The following MAP2 variants were observed in gnomAD, a reference collection of about 807,000 sequenced individuals.
MAP2 encodes the protein microtubule associated protein 2.
MAP2 carries 14 observed loss-of-function variants against 137.6 expected under a neutral mutation model. The ratio of observed to expected loss-of-function variants is 0.10; its 90% CI spans 0.07 to 0.16. The LOEUF is 0.16. Ranked by LOEUF, MAP2 falls within the 10% of genes least tolerant of loss-of-function variation. The pLI, the probability that MAP2 is intolerant of heterozygous loss-of-function variation, is 1.00. For missense variants in MAP2, 2,088 were observed against 2,191.5 expected (o/e 0.95, Z 0.94); for synonymous variants, 786 against 782.3 (o/e 1.00, Z -0.08).
At chr2:209,644,793 C>T (rs527530776) in intron 4 of MAP2, among the ~76,000 whole-genome samples, 1 of 152,126 alleles carries the variant, frequency 6.6e-6, no homozygotes, top group Admixed American at 6.6e-5. Flanking sequence ...CAAATAACCC[C>T]TTTTAGACTT....
chr2:209,594,984 A>G (rs1398395055), intron 3 of MAP2, among the ~76,000 whole-genome samples: 1 of 152,156 alleles, frequency 6.6e-6, no homozygotes, highest in African/African-American at 2.4e-5. Flanking sequence ...CCCCTTCCCT[A>G]CTGAATAGGA....
chr2:209,497,423 C>G (rs1325590899), intron 1 of MAP2, among the ~76,000 whole-genome samples: 1 of 152,218 alleles, frequency 6.6e-6, no homozygotes, highest in African/African-American at 2.4e-5. Context: ...ACCCCTCCAA[C>G]CTCCAGAACT....
At chr2:209,468,324 T>TTC (rs1704702923) in intron 1 of MAP2, among the ~76,000 whole-genome samples, 1 of 139,580 alleles carries the variant, frequency 7.2e-6, no homozygotes, top group Non-Finnish European at 1.6e-5. Context: ...TTTCTTTTTT[T>TTC]TTTTTTTTTT....
intron 1 of MAP2, among the ~76,000 whole-genome samples, chr2:209,438,876 A>G: frequency 6.6e-6 from 1 of 151,216 alleles, no homozygotes; most frequent in African/African-American, 2.4e-5. Context: ...AATATTTCAA[A>G]TTTTTGGATA....
chr2:209,696,868 G>T (rs763217209), intron 9 of MAP2, 49 bp from the exon 10 acceptor site: 1 of 1,570,984 alleles, frequency 6.4e-7, no homozygotes, highest in South Asian at 1.2e-5. Flanking sequence ...TTTGCTCCAC[G>T]TGTTTATTTT....
At chr2:209,548,693 T>G (rs1275053760) in intron 2 of MAP2, among the ~76,000 whole-genome samples, 3 of 152,094 alleles carry the variant, frequency 2.0e-5, no homozygotes, top group African/African-American at 7.2e-5. Context: ...AGAGACCAGG[T>G]GGAGGTAATT....
chr2:209,651,824 G>C (rs988766358), intron 4 of MAP2, among the ~76,000 whole-genome samples: 1 of 152,078 alleles, frequency 6.6e-6, no homozygotes, highest in African/African-American at 2.4e-5. Flanking sequence ...TAGAGAGAGC[G>C]GAGGATAGCA....
chr2:209,491,185 C>T (rs559674202), intron 1 of MAP2, among the ~76,000 whole-genome samples: 1 of 152,236 alleles, frequency 6.6e-6, no homozygotes, highest in East Asian at 1.9e-4. Context: ...ACAACCTGCT[C>T]CTAAATGACT....
At chr2:209,484,068 A>T (rs569785950) in intron 1 of MAP2, among the ~76,000 whole-genome samples, 1 of 152,272 alleles carries the variant, frequency 6.6e-6, no homozygotes, top group Admixed American at 6.5e-5. Flanking sequence ...CTTAAGCTTG[A>T]TTCCTTAGTT....
intron 7 of MAP2, among the ~76,000 whole-genome samples, chr2:209,684,454 C>A (rs3768816): frequency 0.21 from 31,945 of 152,178 alleles, 5,166 homozygotes; most frequent in African/African-American, 0.45. Flanking sequence ...CAGCCATCGA[C>A]CATATGCTGT....
chr2:209,708,885 A>C (rs2153752181), intron 12 of MAP2, among the ~76,000 whole-genome samples: 1 of 152,330 alleles, frequency 6.6e-6, no homozygotes, highest in South Asian at 2.1e-4. Context: ...GAATAATAAG[A>C]GCTGCCCCTA....
chr2:209,528,885 T>C (rs1016813230), intron 2 of MAP2, among the ~76,000 whole-genome samples: 1 of 150,070 alleles, frequency 6.7e-6, no homozygotes, highest in Non-Finnish European at 1.5e-5. Context: ...TATATATGTG[T>C]GTATATACAT....
chr2:209,585,180 C>T (rs1178950043), intron 3 of MAP2, among the ~76,000 whole-genome samples: 2 of 150,762 alleles, frequency 1.3e-5, no homozygotes, highest in African/African-American at 4.9e-5. Flanking sequence ...AGAAGAGGAC[C>T]AGAGGGAATC....
intron 4 of MAP2, among the ~76,000 whole-genome samples, chr2:209,643,806 T>C (rs960146580): frequency 7.2e-5 from 11 of 152,286 alleles, no homozygotes; most frequent in Admixed American, 7.2e-4. Context: ...ATACGAGCAG[T>C]CTATCTTGTG....
intron 5 of MAP2, among the ~76,000 whole-genome samples, chr2:209,662,409 A>C (rs1295705205): frequency 1.3e-5 from 2 of 152,194 alleles, no homozygotes; most frequent in Admixed American, 1.3e-4. Context: ...GTTGAATTTG[A>C]ATCTTAACGA....
chr2:209,549,824 A>G (rs546262630), intron 2 of MAP2, among the ~76,000 whole-genome samples: 2 of 152,326 alleles, frequency 1.3e-5, no homozygotes, highest in South Asian at 4.1e-4. Flanking sequence ...TTTGTGGCAC[A>G]TCCGTTCTGG....
Position 209,621,550 on chromosome 2 carries a change from C to G in MAP2, c.-106-3503C>G, listed in dbSNP as rs778997219. Among the ~76,000 whole-genome samples, 3 of 151,994 alleles carry G rather than the reference C, an allele frequency of 2.0e-5. No homozygotes were observed. The East Asian group carries it at 5.8e-4, about 30-fold the overall frequency. On this transcript the variant is annotated intron_variant, in intron 3 of 15. Coordinates refer to ENST00000682079, the MANE Select transcript of MAP2 (RefSeq NM_001375505.1). ...CTAGGATTACAGGCATGAGCCACCA[C>G]GCCCGACTGATGTTTTGCTTATCTG...
intron 3 of MAP2, among the ~76,000 whole-genome samples, chr2:209,609,671 T>C (rs975158749): frequency 1.1e-4 from 16 of 152,222 alleles, no homozygotes; most frequent in African/African-American, 3.9e-4. Context: ...GGAAGAATAA[T>C]ATTCCATTGA....
chr2:209,436,182 A>G (rs1696230670), intron 1 of MAP2, among the ~76,000 whole-genome samples: 1 of 151,052 alleles, frequency 6.6e-6, no homozygotes, highest in African/African-American at 2.4e-5. Context: ...ATATGTGTGT[A>G]TATGTATGTT....
Sources: allele counts gnomAD v4.1 joint callset (sites outside exome capture counted in the v4.1 genomes callset), GRCh38; gene constraint gnomAD v4.1.1; transcripts MANE v1.5; gene names NCBI Gene and HGNC (gene_info 2026-07-23, HGNC 2026-07-21).